The following NCKAP5 variants were observed in gnomAD, a reference collection of about 807,000 sequenced individuals.
NCKAP5 encodes nck-associated protein 5.
NCKAP5 carries 92 observed loss-of-function variants against 167.0 expected under a neutral mutation model. That is an observed-to-expected ratio of 0.55 (90% CI 0.47 to 0.66). NCKAP5 has a LOEUF of 0.66. Ranked by LOEUF, NCKAP5 falls within the 30% of genes least tolerant of loss-of-function variation. The pLI, the probability that NCKAP5 is intolerant of heterozygous loss-of-function variation, is 0.00. For missense variants in NCKAP5, 2,378 were observed against 2,315.0 expected (o/e 1.03, Z -0.56); for synonymous variants, 891 against 877.4 (o/e 1.02, Z -0.27).
chr2:133,459,255 A>G (rs533163196), intron 3 of NCKAP5, among the ~76,000 whole-genome samples: 7 of 152,296 alleles, frequency 4.6e-5, no homozygotes, highest in Non-Finnish European at 1.0e-4. Flanking sequence ...TTTGTTGCTC[A>G]GGCTGGTCTG....
chr2:133,055,661 G>C (rs972639295), intron 6 of NCKAP5, among the ~76,000 whole-genome samples: 1 of 152,110 alleles, frequency 6.6e-6, no homozygotes, highest in South Asian at 2.1e-4. Flanking sequence ...TGCACACACA[G>C]AGGATGAAAT....
chr2:133,212,479 T>C (rs1180109137), intron 5 of NCKAP5, among the ~76,000 whole-genome samples: 8 of 152,188 alleles, frequency 5.3e-5, no homozygotes, highest in Admixed American at 5.2e-4. Context: ...ATGATTCTCA[T>C]GCCTCAGCTT....
chr2:133,484,501 A>G (rs2151325277), intron 3 of NCKAP5, among the ~76,000 whole-genome samples: 1 of 152,304 alleles, frequency 6.6e-6, no homozygotes, highest in Non-Finnish European at 1.5e-5. Context: ...AAGAAGCTAC[A>G]CATAGAACAA....
the NCKAP5 span, among the ~76,000 whole-genome samples, chr2:133,670,782 C>G: frequency 6.6e-6 from 1 of 152,150 alleles, no homozygotes; most frequent in Admixed American, 6.5e-5. Context: ...AGGAGGCCCC[C>G]TATAGTGGGA....
At chr2:133,254,730 G>C (rs984046122) in intron 4 of NCKAP5, among the ~76,000 whole-genome samples, 40 of 152,208 alleles carry the variant, frequency 2.6e-4, no homozygotes, top group African/African-American at 9.6e-4. Context: ...AGTTATCCTA[G>C]GTCAGGATTT....
intron 3 of NCKAP5, among the ~76,000 whole-genome samples, chr2:133,471,900 G>A (rs1352736399): frequency 2.0e-5 from 3 of 152,132 alleles, no homozygotes; most frequent in African/African-American, 7.2e-5. Flanking sequence ...ACGACCATAT[G>A]TTATGCTTTA....
chr2:133,656,394 C>T, the NCKAP5 span, among the ~76,000 whole-genome samples: 34,368 of 152,158 alleles, frequency 0.23, 4,137 homozygotes, highest in East Asian at 0.31. Context: ...CTGACACTCG[C>T]TAAGTGCTCC....
chr2:133,005,819 C>T (rs962174303), intron 6 of NCKAP5, among the ~76,000 whole-genome samples: 8 of 152,102 alleles, frequency 5.3e-5, no homozygotes, highest in African/African-American at 1.9e-4. Context: ...GAGGATACAC[C>T]TTAAATTCTA....
At chr2:133,289,727 A>AACAAC (rs373408706) in intron 4 of NCKAP5, among the ~76,000 whole-genome samples, 3 of 150,900 alleles carry the variant, frequency 2.0e-5, no homozygotes, top group South Asian at 2.1e-4. Context: ...ACAAACAAAC[A>AACAAC]AAAAAAAACA....
At chr2:133,005,333 C>T (rs1355116037) in intron 6 of NCKAP5, among the ~76,000 whole-genome samples, 1 of 152,136 alleles carries the variant, frequency 6.6e-6, no homozygotes, top group East Asian at 1.9e-4. Context: ...ATGAAATCTT[C>T]ACAATTTATG....
chr2:133,610,374 A>G, the NCKAP5 span, among the ~76,000 whole-genome samples: 10 of 152,198 alleles, frequency 6.6e-5, no homozygotes, highest in African/African-American at 2.4e-4. Context: ...TATTTTAGGA[A>G]TGCACTGGAA....
At chr2:133,616,534 A>T in the NCKAP5 span, among the ~76,000 whole-genome samples, 2 of 151,870 alleles carry the variant, frequency 1.3e-5, no homozygotes, top group African/African-American at 4.8e-5. Flanking sequence ...CTCTACCCAA[A>T]TAAACTAGAA....
chr2:132,771,567 T>G (rs1682050227), intron 16 of NCKAP5, among the ~76,000 whole-genome samples: 1 of 152,204 alleles, frequency 6.6e-6, no homozygotes, highest in Admixed American at 6.5e-5. Flanking sequence ...TGTAAGGTGA[T>G]GTCCTGGGCC....
chr2:133,286,851 A>G (rs1334204442), intron 4 of NCKAP5, among the ~76,000 whole-genome samples: 1 of 152,234 alleles, frequency 6.6e-6, no homozygotes, highest in Non-Finnish European at 1.5e-5. Flanking sequence ...TTTAACAGGA[A>G]TGGTACACAG....
At chr2:132,970,781 CA>C (rs1346956240) in intron 7 of NCKAP5, among the ~76,000 whole-genome samples, 2 of 152,114 alleles carry the variant, frequency 1.3e-5, no homozygotes, top group Non-Finnish European at 2.9e-5. Context: ...TCAATCAACA[CA>C]AAGTTCTGGA....
chr2:133,093,736 A>G (rs563718993), intron 6 of NCKAP5, among the ~76,000 whole-genome samples: 2 of 152,362 alleles, frequency 1.3e-5, no homozygotes, highest in African/African-American at 2.4e-5. Context: ...GTTTGCAAAG[A>G]AAATAGTTCC....
intron 3 of NCKAP5, among the ~76,000 whole-genome samples, chr2:133,336,610 A>G (rs377499889): frequency 1.3e-5 from 2 of 152,334 alleles, no homozygotes; most frequent in African/African-American, 4.8e-5. Context: ...ATTTTCATAT[A>G]TATTACTGGA....
intron 6 of NCKAP5, chr2:133,123,518 G>A (rs926720167): frequency 4.8e-5 from 10 of 208,546 alleles, no homozygotes; most frequent in Non-Finnish European, 9.1e-5. Context: ...ACTTCTGGTA[G>A]ATTCACACAG....
intron 5 of NCKAP5, among the ~76,000 whole-genome samples, chr2:133,191,653 C>A (rs549744573): frequency 6.6e-6 from 1 of 152,228 alleles, no homozygotes; most frequent in Admixed American, 6.5e-5. Flanking sequence ...TCATTCTGAG[C>A]AAACTATTGC....
Sources: allele counts gnomAD v4.1 joint callset (sites outside exome capture counted in the v4.1 genomes callset), GRCh38; gene constraint gnomAD v4.1.1; transcripts MANE v1.5; gene names NCBI Gene and HGNC (gene_info 2026-07-23, HGNC 2026-07-21).